The following MICU3 variants were observed in gnomAD, a reference collection of about 807,000 sequenced individuals.
MICU3 encodes mitochondrial calcium uptake 3.
MICU3 carries 62 observed loss-of-function variants against 66.5 expected under a neutral mutation model. That is an observed-to-expected ratio of 0.93 (90% CI 0.76 to 1.15). The LOEUF (loss-of-function observed/expected upper bound fraction) is 1.15, where lower values mean the gene tolerates loss of function less well. Among genes scored for constraint, MICU3 ranks in the 50% most tolerant of loss-of-function variants. The pLI is 0.00. For missense variants in MICU3, 779 were observed against 664.4 expected, an observed-to-expected ratio of 1.17 and a Z score of -1.90; for synonymous variants, 308 against 240.7, an observed-to-expected ratio of 1.28 and a Z score of -2.59.
At position 17,121,833 on chromosome 8, in the gene MICU3, A is replaced by G. The variant is rs1232755401; in HGVS notation, c.*1546A>G. On this transcript the variant is annotated 3_prime_UTR_variant, in exon 15 of 15. Transcript: ENST00000318063. ...CATAAGTTCAAGGATCCCATATAGT[A>G]TAAGAATATAATTTCACTTGCTTTG... 3.3e-5 allele frequency: 5 copies of G among 151,886 alleles called. No homozygotes were observed. The highest frequency in any genetic ancestry group is 5.9e-5 in the Non-Finnish European group (4 of 67,720). The allele number at this position is 151,886 out of a possible 1,614,324, so 9.4% of individuals were successfully genotyped here.
At chr8:17,129,670 C>T in the MICU3 span, among the ~76,000 whole-genome samples, 2 of 152,038 alleles carry the variant, frequency 1.3e-5, no homozygotes, top group African/African-American at 4.8e-5. Context: ...CCACACAAAA[C>T]AGACTACTGT....
intron 1 of MICU3, among the ~76,000 whole-genome samples, chr8:17,043,470 C>T (rs1814554985): frequency 6.6e-6 from 1 of 152,176 alleles, no homozygotes; most frequent in African/African-American, 2.4e-5. Flanking sequence ...TGAGATATTA[C>T]TATCATCAAG....
chr8:17,044,131 T>A (rs1195534748), intron 1 of MICU3, among the ~76,000 whole-genome samples: 12 of 152,090 alleles, frequency 7.9e-5, no homozygotes, highest in Admixed American at 7.9e-4. Flanking sequence ...ACCTTTCACA[T>A]AGCAGAATTT....
chr8:17,087,152 T>C (rs1799561772), intron 7 of MICU3, 117 bp downstream of exon 7: 7 of 693,126 alleles, frequency 1.0e-5, no homozygotes, highest in Non-Finnish European at 1.4e-5. Flanking sequence ...TTGAAAACTT[T>C]GTAAAGTTTT....
intron 3 of MICU3, among the ~76,000 whole-genome samples, chr8:17,069,987 A>G (rs1032372170): frequency 1.3e-5 from 2 of 152,146 alleles, no homozygotes; most frequent in East Asian, 3.9e-4. Flanking sequence ...ATTTGGCATT[A>G]TCTACTAAAA....
At chr8:17,057,812 T>A (rs1488495857) in intron 1 of MICU3, among the ~76,000 whole-genome samples, 1 of 151,942 alleles carries the variant, frequency 6.6e-6, no homozygotes, top group Non-Finnish European at 1.5e-5. Flanking sequence ...CTGTTGACCT[T>A]TTTTTCGTTT....
At chr8:17,088,002 A>G (rs956813796) in intron 7 of MICU3, among the ~76,000 whole-genome samples, 1 of 152,012 alleles carries the variant, frequency 6.6e-6, no homozygotes, top group African/African-American at 2.4e-5. Flanking sequence ...CTTTATTTTT[A>G]TTATTCTCAT....
At chr8:17,138,515 T>C in the MICU3 span, among the ~76,000 whole-genome samples, 1 of 152,144 alleles carries the variant, frequency 6.6e-6, no homozygotes, top group African/African-American at 2.4e-5. Flanking sequence ...TTGCAAATGA[T>C]GTCCACTTTG....
chr8:17,042,101 CTTT>C (rs1814234131), intron 1 of MICU3, among the ~76,000 whole-genome samples: 1 of 152,164 alleles, frequency 6.6e-6, no homozygotes. Flanking sequence ...ATGGTCACAA[CTTT>C]TACTATTCTA....
chr8:17,057,515 T>G (rs1563306051), intron 1 of MICU3, among the ~76,000 whole-genome samples: 2 of 152,144 alleles, frequency 1.3e-5, no homozygotes, highest in African/African-American at 4.8e-5. Context: ...TAGAGCAAAT[T>G]TTTAACATTG....
chr8:17,031,623 G>A (rs1487056897), intron 1 of MICU3, among the ~76,000 whole-genome samples: 1 of 152,000 alleles, frequency 6.6e-6, no homozygotes, highest in Non-Finnish European at 1.5e-5. Flanking sequence ...TGATATAAAT[G>A]ATTCATTTTG....
intron 1 of MICU3, among the ~76,000 whole-genome samples, chr8:17,032,415 A>G (rs1280981049): frequency 1.3e-5 from 2 of 152,292 alleles, no homozygotes; most frequent in South Asian, 2.1e-4. Context: ...AGATTGCTTA[A>G]CATACTTCAG....
intron 13 of MICU3, among the ~76,000 whole-genome samples, chr8:17,118,464 C>T (rs1457324642): frequency 6.6e-6 from 1 of 152,022 alleles, no homozygotes; most frequent in African/African-American, 2.4e-5. Context: ...TACATGATTA[C>T]TAACTATGGT....
chr8:17,068,999 A>G (rs1488388239), intron 2 of MICU3, among the ~76,000 whole-genome samples: 7 of 152,172 alleles, frequency 4.6e-5, no homozygotes, highest in African/African-American at 1.2e-4. Flanking sequence ...CTGACTATAC[A>G]TTTGTCCCAA....
intron 9 of MICU3, among the ~76,000 whole-genome samples, chr8:17,102,253 G>C (rs993173423): frequency 1.3e-5 from 2 of 151,564 alleles, no homozygotes; most frequent in Admixed American, 6.6e-5. Flanking sequence ...TGCTCCACTC[G>C]AGCATGGAGT....
intron 1 of MICU3, among the ~76,000 whole-genome samples, chr8:17,054,695 T>G (rs1816626612): frequency 6.6e-6 from 1 of 151,940 alleles, no homozygotes; most frequent in Non-Finnish European, 1.5e-5. Context: ...ATTCAAGGAC[T>G]GAGGACCAGA....
chr8:17,055,536 T>TAA lies in MICU3; in HGVS notation c.382-8547_382-8546dup. 2.0e-5 allele frequency among the ~76,000 whole-genome samples: 3 copies of TAA among 152,322 alleles called. 1 individual carries two copies. The highest frequency in any genetic ancestry group is 7.2e-5 in the African/African-American group (3 of 41,576). On this transcript the variant is annotated intron_variant, in intron 1 of 14. Coordinates refer to ENST00000318063, the MANE Select transcript of MICU3 (RefSeq NM_181723.3). ...TTCATTTTCCATCCTTACTTGCACTTAAGTGTGGTTGTGTGACTTAAGTTC... is the reference window on the plus strand; with the variant it reads ...TTCATTTTCCATCCTTACTTGCACTTAAAAGTGTGGTTGTGTGACTTAAGTTC...
chr8:17,133,050 A>G, the MICU3 span: 1 of 152,220 alleles, frequency 6.6e-6, no homozygotes, highest in Non-Finnish European at 1.5e-5. Context: ...TTGATCTGGG[A>G]CTTCCCAGCA....
intron 1 of MICU3, among the ~76,000 whole-genome samples, chr8:17,029,342 G>T (rs1280764754): frequency 6.6e-6 from 1 of 152,166 alleles, no homozygotes; most frequent in Non-Finnish European, 1.5e-5. Context: ...CGGGTGTGGT[G>T]TTGGGCGCTT....
Sources: allele counts gnomAD v4.1 joint callset (sites outside exome capture counted in the v4.1 genomes callset), GRCh38; gene constraint gnomAD v4.1.1; transcripts MANE v1.5; gene names NCBI Gene and HGNC (gene_info 2026-07-23, HGNC 2026-07-21).